LGSN: variants seen among roughly 807,000 people sequenced by gnomAD.
LGSN encodes the protein lengsin.
LGSN carries 21 observed loss-of-function variants against 19.5 expected under a neutral mutation model. The observed-to-expected ratio is 1.07, with a 90% confidence interval of 0.76 to 1.55. The LOEUF (loss-of-function observed/expected upper bound fraction) is 1.55. Among genes scored for constraint, LGSN ranks in the 40% most tolerant of loss-of-function variants. The pLI is 0.00. For synonymous variants in LGSN, 257 were observed against 215.6 expected (o/e 1.19, Z -1.68); for missense variants, 673 against 608.5 (o/e 1.11, Z -1.12).
At chr6:63,547,376 G>A in the LGSN span, among the ~76,000 whole-genome samples, 5 of 150,684 alleles carry the variant, frequency 3.3e-5, no homozygotes, top group Non-Finnish European at 7.4e-5. Flanking sequence ...TTTTAGTAGA[G>A]ATAGGATTTC....
At chr6:63,363,996 G>A in the LGSN span, among the ~76,000 whole-genome samples, 200 of 152,244 alleles carry the variant, frequency 1.3e-3, 3 homozygotes, top group East Asian at 0.031. Flanking sequence ...AAAGACCATC[G>A]ATGCTAGGAA....
rs775057070 is a variant in LGSN at position 63,295,085 on chromosome 6, A to T, written c.31-40T>A. On this transcript the variant is annotated intron_variant, in intron 1 of 3. Transcript: ENST00000370657. ...TAAACAAAAAGCCAAATAACAGATT[A>T]TTCAAACAATGATATTTGGATGTCG... is the stretch of plus-strand genomic sequence containing the variant. 5.1e-6 allele frequency: 8 copies of T among 1,569,224 alleles called. No homozygotes were observed. In the Middle Eastern group the frequency reaches 6.7e-4, roughly 132 times the overall value.
Position 63,279,895 on chromosome 6 carries a change from A to T in LGSN, c.*126T>A, listed in dbSNP as rs958639793. 1.1e-6 allele frequency: 1 copy of T among 908,080 alleles called. No individual in the cohort carries two copies. Among genetic ancestry groups the T allele is most frequent in the South Asian group, 1.7e-5 (1 of 57,770 alleles). 56.3% of individuals were successfully genotyped at this position (908,080 alleles called of 1,614,324 possible). ...TCAAATATTCCATGGACAAAAAAAA[A>T]AGTCAAAAGCATTCGTAATCTTGTT... On this transcript the variant is annotated 3_prime_UTR_variant, in exon 4 of 4. Coordinates refer to ENST00000370657, the MANE Select transcript of LGSN (RefSeq NM_016571.3).
the LGSN span, among the ~76,000 whole-genome samples, chr6:63,537,402 G>A: frequency 6.6e-6 from 1 of 152,104 alleles, no homozygotes; most frequent in East Asian, 1.9e-4. Context: ...GTAACACCTG[G>A]GAGATTTCAA....
the LGSN span, among the ~76,000 whole-genome samples, chr6:63,442,459 T>C: frequency 2.6e-5 from 3 of 114,418 alleles, no homozygotes; most frequent in Non-Finnish European, 6.2e-5. Flanking sequence ...AGGGTCCTGA[T>C]TGGTGCATTT....
the LGSN span, among the ~76,000 whole-genome samples, chr6:63,362,467 G>A: frequency 6.6e-6 from 1 of 152,120 alleles, no homozygotes; most frequent in Admixed American, 6.5e-5. Context: ...CATGACAGAT[G>A]GTACCTGGAA....
At chr6:63,493,118 T>G in the LGSN span, among the ~76,000 whole-genome samples, 2 of 152,216 alleles carry the variant, frequency 1.3e-5, no homozygotes, top group Non-Finnish European at 2.9e-5. Context: ...AGACAAAATA[T>G]ATTTTGTCAC....
chr6:63,333,826 G>A, the LGSN span, among the ~76,000 whole-genome samples: 12 of 152,058 alleles, frequency 7.9e-5, no homozygotes, highest in Non-Finnish European at 1.5e-4. Context: ...GTTCAACATA[G>A]GCATATCAAT....
chr6:63,477,811 G>C, the LGSN span, among the ~76,000 whole-genome samples: 2 of 143,810 alleles, frequency 1.4e-5, no homozygotes, highest in Non-Finnish European at 3.0e-5. Context: ...TGGGATTACA[G>C]ATTACAGGTA....
chr6:63,468,990 C>T, the LGSN span, among the ~76,000 whole-genome samples: 3 of 151,966 alleles, frequency 2.0e-5, no homozygotes, highest in African/African-American at 7.3e-5. Flanking sequence ...TCAAGTGATC[C>T]ACCCACCTCA....
the LGSN span, among the ~76,000 whole-genome samples, chr6:63,401,199 C>T: frequency 1.0e-4 from 15 of 150,714 alleles, no homozygotes; most frequent in Admixed American, 2.0e-4. Context: ...TTCAAACAAG[C>T]CTGGGTAACA....
the LGSN span, among the ~76,000 whole-genome samples, chr6:63,358,802 T>G: frequency 2.0e-5 from 3 of 152,190 alleles, no homozygotes; most frequent in African/African-American, 7.2e-5. Context: ...ACTTCCTCTT[T>G]TCCTTATTGA....
At chr6:63,365,323 A>C in the LGSN span, among the ~76,000 whole-genome samples, 1 of 152,184 alleles carries the variant, frequency 6.6e-6, no homozygotes, top group Non-Finnish European at 1.5e-5. Flanking sequence ...ACGCAAATAA[A>C]CTAGAAAATC....
chr6:63,360,535 A>AT, the LGSN span, among the ~76,000 whole-genome samples: 1 of 152,124 alleles, frequency 6.6e-6, no homozygotes, highest in Non-Finnish European at 1.5e-5. Context: ...ACTTCTCTGC[A>AT]TTGGTTATTC....
the LGSN span, among the ~76,000 whole-genome samples, chr6:63,331,357 T>C: frequency 6.6e-6 from 1 of 152,162 alleles, no homozygotes; most frequent in Admixed American, 6.5e-5. Context: ...TGTACTTCTC[T>C]CAGGTAGCCA....
the LGSN span, among the ~76,000 whole-genome samples, chr6:63,542,382 C>T: frequency 6.6e-6 from 1 of 151,838 alleles, no homozygotes; most frequent in East Asian, 1.9e-4. Context: ...AAGGAAATTA[C>T]TCATGTAACC....
the LGSN span, among the ~76,000 whole-genome samples, chr6:63,527,527 A>T: frequency 1.3e-5 from 2 of 152,184 alleles, no homozygotes; most frequent in South Asian, 4.1e-4. Flanking sequence ...TGTGCTTTAT[A>T]CTGTGTCCAC....
At chr6:63,542,131 A>T in the LGSN span, among the ~76,000 whole-genome samples, 1 of 151,990 alleles carries the variant, frequency 6.6e-6, no homozygotes, top group African/African-American at 2.4e-5. Flanking sequence ...AGCAACCTGG[A>T]TGACATTGGA....
the LGSN span, among the ~76,000 whole-genome samples, chr6:63,354,859 T>C: frequency 2.6e-5 from 4 of 152,074 alleles, no homozygotes; most frequent in Non-Finnish European, 5.9e-5. Context: ...GATCATTATG[T>C]TAAGTGAAAT....
Sources: allele counts gnomAD v4.1 joint callset (sites outside exome capture counted in the v4.1 genomes callset), GRCh38; gene constraint gnomAD v4.1.1; transcripts MANE v1.5; gene names NCBI Gene and HGNC (gene_info 2026-07-23, HGNC 2026-07-21).